Variants in PCSK2 observed in about 807,000 individuals in gnomAD.
PCSK2 encodes neuroendocrine convertase 2.
PCSK2 carries 14 observed loss-of-function variants against 69.7 expected under a neutral mutation model. The ratio of observed to expected loss-of-function variants is 0.20; its 90% CI spans 0.13 to 0.31. The LOEUF (loss-of-function observed/expected upper bound fraction) is 0.31. PCSK2 is among the 10% of genes least tolerant of loss of function. The pLI is 1.00. For synonymous variants in PCSK2, 307 were observed against 320.7 expected (o/e 0.96, Z 0.46); for missense variants, 544 against 842.5 (o/e 0.65, Z 4.39).
At position 17,481,617 on chromosome 20, in the gene PCSK2, A is replaced by C. The variant is rs1225571317; in HGVS notation, c.1464A>C (p.Thr488=). 4 of 1,613,594 alleles carry C rather than the reference A, an allele frequency of 2.5e-6. No homozygotes were observed. In the South Asian group the frequency reaches 4.4e-5, roughly 18 times the overall value. Residue 488 remains threonine, a synonymous_variant, in exon 12 of 12, where the codon ACA becomes ACC. Coordinates refer to ENST00000262545, the MANE Select transcript of PCSK2 (RefSeq NM_002594.5). ...KIPSTGKLVL[T]LTTDACEGKE... The stretch of plus-strand genomic sequence containing the variant: ...CATCCACTGGCAAGTTGGTGCTGAC[A>C]CTCACAACCGACGCCTGTGAGGGGA...
chr20:17,327,169 C>T (rs188017331), intron 2 of PCSK2, among the ~76,000 whole-genome samples: 226 of 152,380 alleles, frequency 1.5e-3, no homozygotes, highest in Non-Finnish European at 2.5e-3. Context: ...GAAGTCACAG[C>T]TCCTTTCAAA....
intron 5 of PCSK2, among the ~76,000 whole-genome samples, chr20:17,402,499 C>A (rs537406868): frequency 3.9e-5 from 6 of 152,032 alleles, no homozygotes; most frequent in Admixed American, 3.9e-4. Context: ...GGCAAAACCC[C>A]GTCTCTACTA....
rs141275995 is a variant in PCSK2 at position 17,263,927 on chromosome 20, CA to C, written c.282+3588del. ...AAAAATACCTTCTCAACATCAGGGTCAAAAACAAATATTTTATGCCCAAAAG... is the reference window on the plus strand; with the variant it reads ...AAAAATACCTTCTCAACATCAGGGTCAAAACAAATATTTTATGCCCAAAAG... On this transcript the variant is annotated intron_variant, in intron 2 of 11. Transcript: ENST00000262545. Among the ~76,000 whole-genome samples the C allele has an allele frequency of 6.6e-3, 1,001 of 152,262 alleles. 3 individuals carry two copies. The highest frequency in any genetic ancestry group is 9.9e-3 in the Non-Finnish European group (674 of 67,998).
chr20:17,465,595 C>T, intron 11 of PCSK2, 42 bp downstream of exon 11: 2 of 1,236,744 alleles, frequency 1.6e-6, no homozygotes, highest in Non-Finnish European at 2.3e-6. Context: ...GTGGAAAGTG[C>T]CCCTGAGATG....
chr20:17,378,209 G>A (rs62201032), intron 5 of PCSK2, among the ~76,000 whole-genome samples: 3,555 of 152,256 alleles, frequency 0.023, 81 homozygotes, highest in Middle Eastern at 0.061. Flanking sequence ...ATTAGAGAAA[G>A]AAAGATACTT....
At chr20:17,480,125 C>T (rs1478861729) in intron 11 of PCSK2, among the ~76,000 whole-genome samples, 1 of 151,188 alleles carries the variant, frequency 6.6e-6, no homozygotes, top group Non-Finnish European at 1.5e-5. Flanking sequence ...CCCCCAAAGT[C>T]TCCTGATCAT....
At chr20:17,412,725 C>A (rs1042111940) in intron 6 of PCSK2, among the ~76,000 whole-genome samples, 3 of 152,088 alleles carry the variant, frequency 2.0e-5, no homozygotes, top group African/African-American at 7.2e-5. Context: ...AAGACACATA[C>A]TTGTCAGATT....
At chr20:17,417,875 G>T (rs560328220) in intron 6 of PCSK2, among the ~76,000 whole-genome samples, 1 of 152,270 alleles carries the variant, frequency 6.6e-6, no homozygotes, top group South Asian at 2.1e-4. Flanking sequence ...TCTGTGATGA[G>T]TACATGGGAT....
intron 1 of PCSK2, among the ~76,000 whole-genome samples, chr20:17,235,197 GT>G (rs1442706146): frequency 3.9e-5 from 6 of 152,104 alleles, no homozygotes; most frequent in Non-Finnish European, 5.9e-5. Context: ...TGCTGAGATT[GT>G]CGATAAAAAT....
chr20:17,327,079 T>C (rs1990078247), intron 2 of PCSK2, among the ~76,000 whole-genome samples: 1 of 152,232 alleles, frequency 6.6e-6, no homozygotes, highest in South Asian at 2.1e-4. Flanking sequence ...CAAGCTTCTA[T>C]ACGTTTGCAG....
rs1283240290 is a variant in PCSK2 at position 17,465,473 on chromosome 20, T to G, written c.1350T>G (p.Gly450=). The stretch of plus-strand genomic sequence containing the variant: ...TTGGCTACGGGGTCCTTGATGCAGG[T>G]GCCATGGTGAAAATGGCTAAAGACT... The part of the protein sequence containing the change: ...HLFGYGVLDA[G]AMVKMAKDWK... The change falls in exon 11 of 12, where the codon GGT becomes GGG. Residue 450 remains glycine (G), a synonymous_variant. Coordinates refer to ENST00000262545, the MANE Select transcript of PCSK2 (RefSeq NM_002594.5). The G allele has an allele frequency of 6.2e-7, 1 of 1,613,932 alleles. No individual in the cohort carries two copies. Among genetic ancestry groups the G allele is most frequent in the African/African-American group, 1.3e-5 (1 of 74,898 alleles).
chr20:17,232,553 T>G lies in PCSK2; in HGVS notation c.177+5071T>G, dbSNP rs909452285. Among the ~76,000 whole-genome samples, 4 of 152,340 alleles carry G rather than the reference T, an allele frequency of 2.6e-5. No homozygotes were observed. The East Asian group carries it at 7.7e-4, about 29-fold the overall frequency. ...GGGTTGTCCATCTTCACTTTTTATT[T>G]GTAGGATTTCTTTACCTATGATGGA... On this transcript the variant is annotated intron_variant, in intron 1 of 11. Coordinates refer to ENST00000262545, the MANE Select transcript of PCSK2 (RefSeq NM_002594.5).
At chr20:17,451,887 T>G (rs1182148395) in intron 8 of PCSK2, among the ~76,000 whole-genome samples, 1 of 151,964 alleles carries the variant, frequency 6.6e-6, no homozygotes, top group East Asian at 1.9e-4. Flanking sequence ...CTCACCCATT[T>G]ATTGTGAAAC....
chr20:17,443,333 G>C (rs1044317064), intron 8 of PCSK2, among the ~76,000 whole-genome samples: 3 of 152,220 alleles, frequency 2.0e-5, no homozygotes, highest in African/African-American at 7.2e-5. Context: ...TCTGCCAACA[G>C]GATCGGGTGG....
chr20:17,380,819 T>TA (rs1400860554), intron 5 of PCSK2, among the ~76,000 whole-genome samples: 3 of 152,204 alleles, frequency 2.0e-5, no homozygotes, highest in Non-Finnish European at 4.4e-5. Flanking sequence ...TAAATGAAAT[T>TA]AAAAGGGGCA....
chr20:17,339,950 T>C (rs918641006), intron 2 of PCSK2, among the ~76,000 whole-genome samples: 9 of 152,190 alleles, frequency 5.9e-5, no homozygotes, highest in African/African-American at 2.2e-4. Flanking sequence ...AGACTCAACA[T>C]TTGCCTTTTA....
chr20:17,469,843 G>C (rs550479452), intron 11 of PCSK2, among the ~76,000 whole-genome samples: 1 of 152,180 alleles, frequency 6.6e-6, no homozygotes, highest in South Asian at 2.1e-4. Flanking sequence ...TGGGCTCTCA[G>C]GTATCTCAGT....
At chr20:17,413,343 C>CAT (rs1394116220) in intron 6 of PCSK2, among the ~76,000 whole-genome samples, 1 of 151,956 alleles carries the variant, frequency 6.6e-6, no homozygotes, top group Non-Finnish European at 1.5e-5. Flanking sequence ...GAAGATCTAC[C>CAT]AAGCAAATGG....
chr20:17,348,050 GGAAAGAAAGAAAGAAAGAAAGAAA>G (rs200387593), intron 2 of PCSK2, among the ~76,000 whole-genome samples: 10 of 86,912 alleles, frequency 1.2e-4, no homozygotes, highest in South Asian at 9.1e-4. Flanking sequence ...AAGAAAGAAA[GGAAAGAAAGAAAGAAAGAAAGAAA>G]GAAAGAAAGA....
Sources: allele counts gnomAD v4.1 joint callset (sites outside exome capture counted in the v4.1 genomes callset), GRCh38; gene constraint gnomAD v4.1.1; transcripts MANE v1.5; gene names NCBI Gene and HGNC (gene_info 2026-07-23, HGNC 2026-07-21).